Variants in TUSC3 observed in about 807,000 individuals in gnomAD.
The protein encoded by TUSC3 is dolichyl-diphosphooligosaccharide--protein glycosyltransferase subunit TUSC3.
Under a neutral mutation model 44.8 loss-of-function variants are expected in TUSC3, and 45 were observed. The ratio of observed to expected loss-of-function variants is 1.00; its 90% CI spans 0.79 to 1.29. TUSC3 has a LOEUF of 1.29. Among genes scored for constraint, TUSC3 ranks in the 50% most tolerant of loss-of-function variants. The pLI is 0.00. For missense variants in TUSC3, 519 were observed against 437.9 expected, an observed-to-expected ratio of 1.19 and a Z score of -1.65; for synonymous variants, 212 against 152.9, an observed-to-expected ratio of 1.39 and a Z score of -2.85.
chr8:15,843,479 G>C, the TUSC3 span, among the ~76,000 whole-genome samples: 6 of 151,842 alleles, frequency 4.0e-5, no homozygotes, highest in East Asian at 5.8e-4. Context: ...ATAGCAATGG[G>C]TGTCTCAGAT....
chr8:15,493,867 C>T (rs1232447578), intron 2 of TUSC3, among the ~76,000 whole-genome samples: 12 of 152,180 alleles, frequency 7.9e-5, no homozygotes. Flanking sequence ...CTAAATATCA[C>T]CCTTCTTCAT....
intron 2 of TUSC3, among the ~76,000 whole-genome samples, chr8:15,518,760 G>C (rs913392250): frequency 4.6e-5 from 7 of 152,056 alleles, no homozygotes; most frequent in Non-Finnish European, 1.0e-4. Context: ...GTACTTAAAG[G>C]AGCATTTAAA....
intron 1 of TUSC3, among the ~76,000 whole-genome samples, chr8:15,580,876 T>C (rs1228009823): frequency 7.0e-6 from 1 of 142,374 alleles, no homozygotes; most frequent in Non-Finnish European, 1.5e-5. Context: ...CCTTGCTAGA[T>C]TGGGGAAGTT....
intron 2 of TUSC3, among the ~76,000 whole-genome samples, chr8:15,534,408 C>A (rs1801494013): frequency 6.6e-6 from 1 of 151,994 alleles, no homozygotes; most frequent in South Asian, 2.1e-4. Context: ...CTTTGGGAGG[C>A]CGAGGCGGGC....
chr8:15,496,963 G>C (rs1031877847), intron 2 of TUSC3, among the ~76,000 whole-genome samples: 1 of 152,096 alleles, frequency 6.6e-6, no homozygotes, highest in Non-Finnish European at 1.5e-5. Context: ...ACCTGTTTTA[G>C]ATATTAGGAA....
chr8:15,503,529 A>T (rs1338412818), intron 2 of TUSC3, among the ~76,000 whole-genome samples: 3 of 151,974 alleles, frequency 2.0e-5, no homozygotes, highest in Non-Finnish European at 4.4e-5. Flanking sequence ...ACTTAATGAG[A>T]CCCTATCTCT....
At chr8:15,449,346 G>A (rs1422704210) in intron 1 of TUSC3, among the ~76,000 whole-genome samples, 1 of 152,286 alleles carries the variant, frequency 6.6e-6, no homozygotes, top group African/African-American at 2.4e-5. Context: ...CATGGCTCAA[G>A]CGTGGAGTTT....
intron 2 of TUSC3, among the ~76,000 whole-genome samples, chr8:15,485,712 C>G (rs993456712): frequency 3.9e-5 from 6 of 152,060 alleles, no homozygotes; most frequent in African/African-American, 7.2e-5. Context: ...AGAGAGCAGA[C>G]CAAGGACAGA....
chr8:15,571,197 A>G (rs1291447295), intron 1 of TUSC3, among the ~76,000 whole-genome samples: 1 of 151,794 alleles, frequency 6.6e-6, no homozygotes, highest in East Asian at 1.9e-4. Flanking sequence ...CAGGGGATCC[A>G]CCTGCCTCGG....
chr8:15,754,254 A>G (rs1585306435), intron 9 of TUSC3, among the ~76,000 whole-genome samples: 1 of 152,106 alleles, frequency 6.6e-6, no homozygotes. Flanking sequence ...TCCATTTTCT[A>G]AGAACATTAG....
the TUSC3 span, among the ~76,000 whole-genome samples, chr8:15,799,432 A>G: frequency 6.6e-6 from 1 of 152,158 alleles, no homozygotes; most frequent in Admixed American, 6.5e-5. Flanking sequence ...AATTCAGTGC[A>G]CCGGATTGAC....
At chr8:15,495,917 T>C (rs559842719) in intron 2 of TUSC3, among the ~76,000 whole-genome samples, 1 of 152,306 alleles carries the variant, frequency 6.6e-6, no homozygotes, top group South Asian at 2.1e-4. Context: ...CTATACACTA[T>C]TTAAATTTGC....
intron 1 of TUSC3, among the ~76,000 whole-genome samples, chr8:15,540,890 T>C (rs1196805078): frequency 1.3e-5 from 2 of 152,248 alleles, no homozygotes; most frequent in African/African-American, 4.8e-5. Flanking sequence ...GTGTTGGATG[T>C]GAAAATACCC....
rs1428494100 is a variant in TUSC3, at chr8:15,650,722, C to T, written c.334C>T (p.Leu112=). 4 of 1,613,982 alleles carry T rather than the reference C, an allele frequency of 2.5e-6. No homozygotes were observed. Among genetic ancestry groups the T allele is most frequent in the Non-Finnish European group, 3.4e-6 (4 of 1,179,998 alleles). ...GCAAGCTAATGAAGAATATCAAATACTGGCGAACTCCTGGCGCTATTCATC... is the reference window on the plus strand; with the variant it reads ...GCAAGCTAATGAAGAATATCAAATATTGGCGAACTCCTGGCGCTATTCATC... ...CRQANEEYQI[L]ANSWRYSSAF... is the part of the protein sequence containing the mutation. The change falls in exon 3 of 11, where the codon CTG becomes TTG. Residue 112 remains leucine (L), a synonymous_variant. Coordinates refer to ENST00000503731, the MANE Select transcript of TUSC3 (RefSeq NM_006765.4).
chr8:15,835,128 T>C, the TUSC3 span, among the ~76,000 whole-genome samples: 618 of 152,342 alleles, frequency 4.1e-3, 4 homozygotes, highest in African/African-American at 0.014. Context: ...TTAATTTTTC[T>C]TTTATGGTAA....
intron 1 of TUSC3, among the ~76,000 whole-genome samples, chr8:15,611,986 T>G (rs1055935614): frequency 6.6e-6 from 1 of 152,126 alleles, no homozygotes; most frequent in African/African-American, 2.4e-5. Flanking sequence ...AATATTAGAG[T>G]CTTGAAAAGT....
intron 1 of TUSC3, among the ~76,000 whole-genome samples, chr8:15,461,340 G>A (rs904856036): frequency 5.9e-5 from 9 of 151,988 alleles, no homozygotes; most frequent in African/African-American, 2.2e-4. Flanking sequence ...TCTCTGCTTG[G>A]TCACTGTTGG....
chr8:15,665,589 G>C (rs1157358502), intron 5 of TUSC3, among the ~76,000 whole-genome samples: 1 of 150,788 alleles, frequency 6.6e-6, no homozygotes, highest in African/African-American at 2.4e-5. Context: ...AGATAGAAAG[G>C]TTGCAATTTC....
At chr8:15,448,529 C>T (rs1235906859) in intron 1 of TUSC3, among the ~76,000 whole-genome samples, 2 of 152,060 alleles carry the variant, frequency 1.3e-5, no homozygotes, top group Non-Finnish European at 2.9e-5. Context: ...TTCAAATGTT[C>T]TACTCTTAAG....
Sources: gnomAD v4.1 joint callset for allele counts (sites outside exome capture counted in the v4.1 genomes callset) on GRCh38, gnomAD v4.1.1 for gene constraint, MANE v1.5 for transcripts, NCBI Gene and HGNC (gene_info 2026-07-23, HGNC 2026-07-21) for gene names.